The following ROCK1 variants were observed in gnomAD, a reference collection of about 807,000 sequenced individuals.
The protein encoded by ROCK1 is Rho associated coiled-coil containing protein kinase 1.
Under a neutral mutation model 196.8 loss-of-function variants are expected in ROCK1, and 36 were observed. The observed-to-expected ratio is 0.18, with a 90% CI of 0.14 to 0.24. The LOEUF (loss-of-function observed/expected upper bound fraction) is 0.24. Ranked by LOEUF, ROCK1 falls within the 10% of genes least tolerant of loss-of-function variation. The pLI is 1.00. For missense variants in ROCK1, 920 were observed against 1,562.0 expected, an observed-to-expected ratio of 0.59 and a Z score of 6.93; for synonymous variants, 443 against 515.9, an observed-to-expected ratio of 0.86 and a Z score of 1.91.
chr18:21,070,436 A>C (rs2036374097), intron 2 of ROCK1, 96 bp downstream of exon 2: 2 of 649,990 alleles, frequency 3.1e-6, no homozygotes, highest in African/African-American at 3.7e-5. Context: ...TGAAATCACC[A>C]AAAAGTAAAT....
At chr18:21,071,792 A>G (rs1476912925) in intron 1 of ROCK1, among the ~76,000 whole-genome samples, 3 of 152,218 alleles carry the variant, frequency 2.0e-5, no homozygotes, top group Non-Finnish European at 4.4e-5. Flanking sequence ...TTTAAAGAAA[A>G]AAATAGTATA....
intron 2 of ROCK1, among the ~76,000 whole-genome samples, chr18:21,063,972 G>A (rs2036312894): frequency 6.6e-6 from 1 of 152,044 alleles, no homozygotes; most frequent in South Asian, 2.1e-4. Flanking sequence ...TAATTCAATA[G>A]GTGTAAACTG....
chr18:20,968,898 T>C, intron 24 of ROCK1, 38 bp from the exon 25 acceptor site: 1 of 1,313,262 alleles, frequency 7.6e-7, no homozygotes, highest in Non-Finnish European at 1.1e-6. Context: ...TGTATGGTAT[T>C]AATTTAATTT....
At chr18:21,067,607 G>A (rs1239075017) in intron 2 of ROCK1, among the ~76,000 whole-genome samples, 1 of 152,020 alleles carries the variant, frequency 6.6e-6, no homozygotes, top group Non-Finnish European at 1.5e-5. Flanking sequence ...GGCTGGTCTG[G>A]AACTCCTGGA....
At chr18:21,032,685 ATTT>A (rs539290410) in intron 9 of ROCK1, among the ~76,000 whole-genome samples, 2 of 126,308 alleles carry the variant, frequency 1.6e-5, no homozygotes, top group African/African-American at 2.9e-5. Flanking sequence ...ATGCCTGGCT[ATTT>A]TTTTTTTTTT....
At chr18:21,031,930 T>C (rs2036011959) in intron 9 of ROCK1, among the ~76,000 whole-genome samples, 1 of 151,948 alleles carries the variant, frequency 6.6e-6, no homozygotes, top group Admixed American at 6.6e-5. Flanking sequence ...AATTATCAAG[T>C]GTGAGGAACA....
intron 17 of ROCK1, among the ~76,000 whole-genome samples, chr18:20,991,624 C>CT (rs1030511975): frequency 1.1e-4 from 16 of 151,098 alleles, no homozygotes; most frequent in Admixed American, 3.3e-4. Context: ...CTGATACCAT[C>CT]TTTTTTTTTC....
intron 22 of ROCK1, among the ~76,000 whole-genome samples, chr18:20,977,182 T>C (rs2035488325): frequency 6.6e-6 from 1 of 152,258 alleles, no homozygotes. Flanking sequence ...TTTCATTTAT[T>C]CATTCAATAT....
At chr18:21,089,003 A>T (rs913657774) in intron 1 of ROCK1, among the ~76,000 whole-genome samples, 37 of 152,128 alleles carry the variant, frequency 2.4e-4, no homozygotes, top group Admixed American at 3.3e-4. Flanking sequence ...ACAGGAATTT[A>T]AAAAAAATTC....
In ROCK1 at chr18:20,991,171, C is replaced by T; in HGVS notation, c.2143+5G>A. The T allele has an allele frequency of 6.3e-7, 1 of 1,581,294 alleles. No homozygotes were observed. The highest frequency in any genetic ancestry group is 8.5e-7 in the Non-Finnish European group (1 of 1,170,500). On this transcript the variant is annotated splice_donor_5th_base_variant and intron_variant, in intron 18 of 32. Coordinates refer to ENST00000399799, the MANE Select transcript of ROCK1 (RefSeq NM_005406.3). ...TTTTGTAAAAATATTAAAACTGACA[C>T]TTACCACACATTGCCACAGACTTTG...
chr18:21,103,730 T>C (rs1315492099), intron 1 of ROCK1, among the ~76,000 whole-genome samples: 1 of 152,168 alleles, frequency 6.6e-6, no homozygotes, highest in East Asian at 1.9e-4. Context: ...CAGACCACCA[T>C]GCCAGGCCTA....
intron 2 of ROCK1, among the ~76,000 whole-genome samples, chr18:21,065,125 A>G (rs1347909224): frequency 1.3e-5 from 2 of 152,214 alleles, no homozygotes; most frequent in Non-Finnish European, 2.9e-5. Flanking sequence ...ACCCTGGTCT[A>G]AAGTGAACTG....
Position 21,111,404 on chromosome 18 carries a change from C to T in ROCK1, c.-494G>A. 1 of 381,494 alleles carries T rather than the reference C, an allele frequency of 2.6e-6. No individual in the cohort carries two copies. The highest frequency in any genetic ancestry group is 4.1e-5 in the East Asian group (1 of 24,498). The allele number at this position is 381,494 out of a possible 1,614,324, so 23.6% of individuals were successfully genotyped here. A position where few individuals can be genotyped will look rare whatever the true frequency, so the allele number is the denominator to read the frequency against. ...CGCCGCTCGGGCCACGGGCCGGGCC[C>T]GCTCCGCTCAGAGGCGCTGTAGACG... On this transcript the variant is annotated 5_prime_UTR_variant, in exon 1 of 33. Transcript: ENST00000399799. This position sits in a 1 kb window ranked among gnomAD's most constrained non-coding sequence, Gnocchi z 4.2.
Position 21,081,088 on chromosome 18 carries a change from C to T in ROCK1, c.94-10475G>A, listed in dbSNP as rs143784958. 7.0e-3 allele frequency among the ~76,000 whole-genome samples: 1,068 copies of T among 152,238 alleles called. 12 individuals carry two copies. The highest frequency in any genetic ancestry group is 0.023 in the African/African-American group (961 of 41,552). Reference sequence around the variant, plus strand: ...ACATTTTTCTCAAGTACACATGGAACATTCTCAAGAATAGACTTATTATGT... The same window carrying T: ...ACATTTTTCTCAAGTACACATGGAATATTCTCAAGAATAGACTTATTATGT... On this transcript the variant is annotated intron_variant, in intron 1 of 32. Transcript: ENST00000399799.
intron 22 of ROCK1, among the ~76,000 whole-genome samples, chr18:20,974,283 T>C (rs1274737251): frequency 2.0e-5 from 3 of 152,176 alleles, no homozygotes; most frequent in Non-Finnish European, 4.4e-5. Flanking sequence ...AATAATTTTC[T>C]TAGGAGAGTA....
chr18:20,968,036 G>A (rs868615628), intron 25 of ROCK1, 96 bp from the exon 26 acceptor site: 11 of 1,153,804 alleles, frequency 9.5e-6, no homozygotes, highest in East Asian at 2.7e-5. Context: ...AGGACTTTCT[G>A]TGTGTATGAA....
chr18:21,054,473 A>C (rs2036230593), intron 2 of ROCK1, among the ~76,000 whole-genome samples: 2 of 152,034 alleles, frequency 1.3e-5, no homozygotes, highest in Admixed American at 6.6e-5. Context: ...CACAGCTCTC[A>C]AGTGGGGACC....
chr18:21,018,441 A>G (rs1252703955), intron 12 of ROCK1, among the ~76,000 whole-genome samples: 1 of 151,848 alleles, frequency 6.6e-6, no homozygotes, highest in Non-Finnish European at 1.5e-5. Context: ...GAGGCAAGAG[A>G]ATCACTTGAA....
chr18:21,035,866 AG>A (rs2036052589), intron 9 of ROCK1, among the ~76,000 whole-genome samples: 1 of 152,242 alleles, frequency 6.6e-6, no homozygotes, highest in Non-Finnish European at 1.5e-5. Flanking sequence ...CACCCTGAGT[AG>A]TAGTCTAATT....
Sources: allele counts gnomAD v4.1 joint callset (sites outside exome capture counted in the v4.1 genomes callset), GRCh38; gene constraint gnomAD v4.1.1; non-coding constraint Gnocchi (gnomAD v3.1); transcripts MANE v1.5; gene names NCBI Gene and HGNC (gene_info 2026-07-23, HGNC 2026-07-21).